The following PGBD5 variants were observed in gnomAD, a reference collection of about 807,000 sequenced individuals.
The protein encoded by PGBD5 is piggyBac transposable element derived 5.
In PGBD5, 14 loss-of-function variants were observed where a neutral mutation model predicts 47.9. That is an observed-to-expected ratio of 0.29 (90% CI 0.19 to 0.46). The LOEUF (loss-of-function observed/expected upper bound fraction) is 0.46. PGBD5 is among the 20% of genes least tolerant of loss of function. The probability of loss-of-function intolerance (pLI) is 1.00; values close to 1 mark genes in which losing one functional copy is unlikely to be tolerated. For synonymous variants in PGBD5, 316 were observed against 306.3 expected (o/e 1.03, Z -0.33); for missense variants, 635 against 716.0 (o/e 0.89, Z 1.29).
At chr1:230,333,127 G>A (rs1667250221) in intron 4 of PGBD5, 86 bp from the exon 5 acceptor site, 3 of 1,399,146 alleles carry the variant, frequency 2.1e-6, no homozygotes, top group Admixed American at 4.1e-5. Flanking sequence ...CCAAGGAAAG[G>A]ACGGGACTGC....
rs867744523 is a variant in PGBD5, at chr1:230,392,425, C to G, written c.331+33173G>C. ...TGAGCCCCAGGCTTTGATGACAGGC[C>G]TGCTTGACAGGAAGCCTTCAGATGT... On this transcript the variant is annotated intron_variant, in intron 1 of 6. Coordinates refer to ENST00000391860, the MANE Select transcript of PGBD5 (RefSeq NM_001258311.2). Among the ~76,000 whole-genome samples the G allele has an allele frequency of 3.9e-5, 6 of 152,340 alleles. No homozygotes were observed. In the Middle Eastern group the frequency reaches 0.017, roughly 432 times the overall value.
intron 5 of PGBD5, among the ~76,000 whole-genome samples, chr1:230,325,636 G>C (rs1485698606): frequency 2.0e-5 from 3 of 152,174 alleles, no homozygotes; most frequent in Non-Finnish European, 4.4e-5. Context: ...GGTATGCGCT[G>C]GCCCAGACAC....
intron 5 of PGBD5, among the ~76,000 whole-genome samples, chr1:230,331,144 G>A (rs953942666): frequency 6.6e-6 from 1 of 152,162 alleles, no homozygotes; most frequent in Non-Finnish European, 1.5e-5. Flanking sequence ...TGGGCATGGT[G>A]GCTCATGCCT....
chr1:230,355,153 T>C (rs1266609747), intron 2 of PGBD5, among the ~76,000 whole-genome samples: 3 of 152,172 alleles, frequency 2.0e-5, no homozygotes, highest in African/African-American at 4.8e-5. Context: ...AGCCATGTGC[T>C]AAGGAGGCAG....
chr1:230,399,371 C>G (rs1558211649), intron 1 of PGBD5, among the ~76,000 whole-genome samples: 1 of 152,210 alleles, frequency 6.6e-6, no homozygotes, highest in African/African-American at 2.4e-5. Context: ...TCCCACGGAG[C>G]TGACTGCTCA....
chr1:230,384,516 C>A (rs999560023), intron 1 of PGBD5, among the ~76,000 whole-genome samples: 9 of 152,196 alleles, frequency 5.9e-5, no homozygotes, highest in African/African-American at 2.2e-4. Flanking sequence ...ACCTGCTGAG[C>A]ACCCACCGAG....
intron 1 of PGBD5, among the ~76,000 whole-genome samples, chr1:230,422,702 C>T (rs1350808345): frequency 6.6e-6 from 1 of 152,072 alleles, no homozygotes; most frequent in African/African-American, 2.4e-5. Flanking sequence ...GCCGCACTTC[C>T]GGAGGAGCTG....
chr1:230,412,647 C>T (rs533764084), intron 1 of PGBD5, among the ~76,000 whole-genome samples: 2 of 152,216 alleles, frequency 1.3e-5, no homozygotes, highest in Admixed American at 6.5e-5. Context: ...CTCGGCCTCC[C>T]AAAGTGCTGG....
At chr1:230,360,373 G>A (rs1667723442) in intron 1 of PGBD5, among the ~76,000 whole-genome samples, 1 of 152,012 alleles carries the variant, frequency 6.6e-6, no homozygotes, top group Non-Finnish European at 1.5e-5. Context: ...ACCTGTGGAG[G>A]GAGGGAGGGA....
chr1:230,417,638 T>C (rs1440193949), intron 1 of PGBD5, among the ~76,000 whole-genome samples: 8 of 152,180 alleles, frequency 5.3e-5, no homozygotes, highest in Non-Finnish European at 1.2e-4. Context: ...TTCTTCAAGG[T>C]GCAGCTCAGG....
At chr1:230,352,687 C>T (rs1254536628) in intron 2 of PGBD5, among the ~76,000 whole-genome samples, 2 of 152,302 alleles carry the variant, frequency 1.3e-5, no homozygotes, top group East Asian at 1.9e-4. Context: ...CTAGCTGCAA[C>T]GTCTCCCCTG....
chr1:230,364,339 A>G (rs1667793454), intron 1 of PGBD5, among the ~76,000 whole-genome samples: 1 of 152,238 alleles, frequency 6.6e-6, no homozygotes, highest in South Asian at 2.1e-4. Flanking sequence ...GGTCTGACCT[A>G]CATGCCTACC....
rs545256139 is a variant in PGBD5 at position 230,339,289 on chromosome 1, G to T, written c.895-2001C>A. Reference sequence around the variant, plus strand: ...CAATGTACTTTCCTGAAGACCAACAGTGAACAACACCTTCCCCGTCCAAAC... The same window carrying T: ...CAATGTACTTTCCTGAAGACCAACATTGAACAACACCTTCCCCGTCCAAAC... On this transcript the variant is annotated intron_variant, in intron 3 of 6. Transcript: ENST00000391860. 2.6e-4 allele frequency among the ~76,000 whole-genome samples: 40 copies of T among 152,334 alleles called. 1 individual carries two copies. Among genetic ancestry groups the T allele is most frequent in the South Asian group, 8.3e-4 (4 of 4,826 alleles).
chr1:230,342,819 C>T (rs1373239195), intron 3 of PGBD5, among the ~76,000 whole-genome samples: 4 of 152,212 alleles, frequency 2.6e-5, no homozygotes, highest in Non-Finnish European at 5.9e-5. Context: ...TGTAACTGTG[C>T]TCCCAATGTG....
chr1:230,368,594 G>C (rs1334073996), intron 1 of PGBD5, among the ~76,000 whole-genome samples: 1 of 152,218 alleles, frequency 6.6e-6, no homozygotes, highest in African/African-American at 2.4e-5. Context: ...GACTCTTCAG[G>C]GCTTGAGCGT....
chr1:230,380,000 C>T (rs920477271), intron 1 of PGBD5, among the ~76,000 whole-genome samples: 2 of 152,200 alleles, frequency 1.3e-5, no homozygotes, highest in African/African-American at 4.8e-5. Flanking sequence ...ATTGTAATTA[C>T]TGATTTCATG....
chr1:230,360,457 C>T (rs1291221685), intron 1 of PGBD5, among the ~76,000 whole-genome samples: 1 of 152,160 alleles, frequency 6.6e-6, no homozygotes, highest in Non-Finnish European at 1.5e-5. Flanking sequence ...CAAATCTCAT[C>T]TTGAATTGTA....
At chr1:230,337,998 A>G (rs575313540) in intron 3 of PGBD5, among the ~76,000 whole-genome samples, 4 of 152,336 alleles carry the variant, frequency 2.6e-5, no homozygotes, top group East Asian at 3.9e-4. Context: ...CTTAGCGAAA[A>G]TATCTTAAAC....
In PGBD5 at chr1:230,319,488, G is replaced by T. The variant is rs1363700364; in HGVS notation, c.*3937C>A. 1.3e-5 allele frequency: 2 copies of T among 152,088 alleles called. No homozygotes were observed. Among genetic ancestry groups the T allele is most frequent in the Non-Finnish European group, 2.9e-5 (2 of 68,022 alleles). 9.4% of individuals were successfully genotyped at this position (152,088 alleles called of 1,614,324 possible). On this transcript the variant is annotated 3_prime_UTR_variant, in exon 7 of 7. Coordinates refer to ENST00000391860, the MANE Select transcript of PGBD5 (RefSeq NM_001258311.2). ...TGTGTGAGGCTTGCGTAGTTGCAAG[G>T]CCCCATGGCCCTCCCGGGTTTGCCC... is the stretch of plus-strand genomic sequence containing the variant.
Sources: gnomAD v4.1 joint callset for allele counts (sites outside exome capture counted in the v4.1 genomes callset) on GRCh38, gnomAD v4.1.1 for gene constraint, MANE v1.5 for transcripts, NCBI Gene and HGNC (gene_info 2026-07-23, HGNC 2026-07-21) for gene names.